Variants in NPAS2 observed in about 807,000 individuals in gnomAD.
NPAS2 encodes the protein neuronal PAS domain-containing protein 2.
A neutral mutation model predicts 107.5 loss-of-function variants in NPAS2; 23 were observed. The ratio of observed to expected loss-of-function variants is 0.21; its 90% CI spans 0.15 to 0.30. NPAS2 has a LOEUF of 0.30. Among genes scored for constraint, NPAS2 ranks in the 10% least tolerant of loss-of-function variants. The pLI is 1.00. For missense variants in NPAS2, 756 were observed against 1,043.3 expected (o/e 0.72, Z 3.79); for synonymous variants, 403 against 417.5 (o/e 0.97, Z 0.42).
At chr2:100,992,511 A>G (rs1161837724) in intron 19 of NPAS2, among the ~76,000 whole-genome samples, 1 of 141,168 alleles carries the variant, frequency 7.1e-6, no homozygotes, top group Non-Finnish European at 1.6e-5. Flanking sequence ...CTTGTGATAG[A>G]GTTCTCCCTA....
At chr2:100,845,918 G>A (rs1677744921) in intron 1 of NPAS2, among the ~76,000 whole-genome samples, 1 of 152,202 alleles carries the variant, frequency 6.6e-6, no homozygotes, top group African/African-American at 2.4e-5. Context: ...GGTCAGGAAT[G>A]GATTATTCCA....
chr2:100,892,461 G>A (rs1681131471), intron 1 of NPAS2, among the ~76,000 whole-genome samples: 1 of 152,122 alleles, frequency 6.6e-6, no homozygotes, highest in South Asian at 2.1e-4. Flanking sequence ...GTATGGTCAC[G>A]ACGCTCATGA....
intron 1 of NPAS2, among the ~76,000 whole-genome samples, chr2:100,841,954 A>T (rs1008943844): frequency 6.6e-6 from 1 of 152,214 alleles, no homozygotes; most frequent in African/African-American, 2.4e-5. Flanking sequence ...GCATGTACAT[A>T]TACACAAGCA....
chr2:100,963,328 T>G (rs1676021504), intron 7 of NPAS2, among the ~76,000 whole-genome samples: 3 of 152,244 alleles, frequency 2.0e-5, no homozygotes, highest in Admixed American at 6.5e-5. Context: ...GAATTCACCT[T>G]AAAACACTGG....
intron 1 of NPAS2, among the ~76,000 whole-genome samples, chr2:100,868,798 CT>C (rs1679393078): frequency 1.3e-5 from 2 of 152,148 alleles, no homozygotes; most frequent in South Asian, 4.1e-4. Context: ...TTAATAAATT[CT>C]TATTCCAGAA....
rs116384234 is a variant in NPAS2 at position 100,901,563 on chromosome 2, T to G, written c.-22-3170T>G. The G allele has an allele frequency of 2.5e-3, 2,449 of 984,944 alleles. 40 individuals are homozygous for G. The African/African-American group carries it at 0.038, about 15-fold the overall frequency. 61.0% of individuals were successfully genotyped at this position (984,944 alleles called of 1,614,324 possible). A position where few individuals can be genotyped will look rare whatever the true frequency, so the allele number is the denominator to read the frequency against. On this transcript the variant is annotated intron_variant, in intron 1 of 20. Coordinates refer to ENST00000335681, the MANE Select transcript of NPAS2 (RefSeq NM_002518.4). ...TGACGCTCCCCTGTGCAGAGGATCC[T>G]GCAGACATGGCTAAAGGAGATGCAG... is the stretch of plus-strand genomic sequence containing the variant.
intron 20 of NPAS2, 175 bp from the exon 21 acceptor site, chr2:100,995,225 C>G: frequency 1.8e-6 from 1 of 545,416 alleles, no homozygotes; most frequent in Non-Finnish European, 3.2e-6. Context: ...TCCCTTAGTC[C>G]CCATCCCCAC....
At chr2:100,974,573 A>G (rs1012864402) in intron 12 of NPAS2, among the ~76,000 whole-genome samples, 2 of 152,264 alleles carry the variant, frequency 1.3e-5, no homozygotes, top group African/African-American at 4.8e-5. Flanking sequence ...AATAAAAACA[A>G]AAGGCGAGAA....
Position 100,820,586 on chromosome 2 carries a change from T to C in NPAS2, c.-23+172T>C, listed in dbSNP as rs1230637560. 1.3e-5 allele frequency among the ~76,000 whole-genome samples: 2 copies of C among 151,258 alleles called. No homozygotes were observed. Among genetic ancestry groups the C allele is most frequent in the East Asian group, 4.0e-4 (2 of 5,026 alleles). ...CCCCGGACGCGGGGGCGCGGAGAGGTGGGTTCCCCTCCACAGTCAGGCCGC... is the reference window on the plus strand; with the variant it reads ...CCCCGGACGCGGGGGCGCGGAGAGGCGGGTTCCCCTCCACAGTCAGGCCGC... On this transcript the variant is annotated intron_variant, in intron 1 of 20. Transcript: ENST00000335681. This position sits in a 1 kb window ranked among gnomAD's most constrained non-coding sequence, Gnocchi z 5.6.
intron 4 of NPAS2, among the ~76,000 whole-genome samples, chr2:100,933,204 G>A (rs926504941): frequency 3.3e-5 from 5 of 152,024 alleles, no homozygotes; most frequent in Non-Finnish European, 5.9e-5. Context: ...ATGTGGTCAC[G>A]TGTTTTCACT....
At chr2:100,827,840 G>A (rs1008800784) in intron 1 of NPAS2, among the ~76,000 whole-genome samples, 17 of 152,062 alleles carry the variant, frequency 1.1e-4, no homozygotes, top group African/African-American at 4.1e-4. Flanking sequence ...ATGGAATCAC[G>A]ATTGCTATTG....
intron 1 of NPAS2, among the ~76,000 whole-genome samples, chr2:100,863,610 TTTTC>T (rs1176659202): frequency 6.6e-6 from 1 of 152,192 alleles, no homozygotes. Context: ...TCTAAATAGC[TTTTC>T]TTTCTTTCTT....
At chr2:100,836,089 G>A (rs1677040350) in intron 1 of NPAS2, among the ~76,000 whole-genome samples, 1 of 152,202 alleles carries the variant, frequency 6.6e-6, no homozygotes, top group South Asian at 2.1e-4. Context: ...AAGCAGAGAT[G>A]CCAGGCTCTC....
chr2:100,862,764 A>G (rs1048107654), intron 1 of NPAS2, among the ~76,000 whole-genome samples: 1 of 152,184 alleles, frequency 6.6e-6, no homozygotes, highest in African/African-American at 2.4e-5. Flanking sequence ...CTATGTGGAA[A>G]GGGGCAGACA....
intron 1 of NPAS2, among the ~76,000 whole-genome samples, chr2:100,885,277 G>T (rs543980386): frequency 4.4e-4 from 67 of 152,226 alleles, no homozygotes; most frequent in African/African-American, 1.5e-3. Flanking sequence ...ATGAAAGAGG[G>T]AATGAATTGC....
chr2:100,908,399 T>C (rs1291643837), intron 2 of NPAS2, among the ~76,000 whole-genome samples: 1 of 152,012 alleles, frequency 6.6e-6, no homozygotes, highest in Non-Finnish European at 1.5e-5. Context: ...CTTAGCCCCA[T>C]TTTACAGTTG....
chr2:100,818,837 A>AG (rs1232176032), upstream of NPAS2, among the ~76,000 whole-genome samples: 3 of 152,228 alleles, frequency 2.0e-5, no homozygotes, highest in Non-Finnish European at 4.4e-5. Flanking sequence ...GGGAGCGGGC[A>AG]GGGGGACCTT....
chr2:100,865,475 T>G (rs565586423), intron 1 of NPAS2, among the ~76,000 whole-genome samples: 1 of 152,346 alleles, frequency 6.6e-6, no homozygotes, highest in Admixed American at 6.5e-5. Context: ...AAGCTCACAA[T>G]TCACCTGGTT....
chr2:100,891,982 A>G (rs72627426), intron 1 of NPAS2, among the ~76,000 whole-genome samples: 10,250 of 152,216 alleles, frequency 0.067, 755 homozygotes, highest in East Asian at 0.35. Flanking sequence ...CTCAGCTCCA[A>G]GCATGACTCG....
Sources: allele counts gnomAD v4.1 joint callset (sites outside exome capture counted in the v4.1 genomes callset), GRCh38; gene constraint gnomAD v4.1.1; non-coding constraint Gnocchi (gnomAD v3.1); transcripts MANE v1.5; gene names NCBI Gene and HGNC (gene_info 2026-07-23, HGNC 2026-07-21).